The following LRMDA variants were observed in gnomAD, a reference collection of about 807,000 sequenced individuals.
The protein encoded by LRMDA is leucine-rich melanocyte differentiation-associated protein.
Under a neutral mutation model 29.8 loss-of-function variants are expected in LRMDA, and 18 were observed. The ratio of observed to expected loss-of-function variants is 0.60; its 90% confidence interval spans 0.42 to 0.90. The LOEUF (loss-of-function observed/expected upper bound fraction) is 0.90. Among genes scored for constraint, LRMDA ranks in the 40% least tolerant of loss-of-function variants. The pLI, the probability that LRMDA is intolerant of heterozygous loss-of-function variation, is 0.00. For synonymous variants in LRMDA, 125 were observed against 109.4 expected, an observed-to-expected ratio of 1.14 and a Z score of -0.89; for missense variants, 273 against 273.9, an observed-to-expected ratio of 1.00 and a Z score of 0.02.
At chr10:75,704,007 A>G (rs1247449673) in intron 2 of LRMDA, among the ~76,000 whole-genome samples, 1 of 152,220 alleles carries the variant, frequency 6.6e-6, no homozygotes, top group Non-Finnish European at 1.5e-5. Flanking sequence ...CGCTTGCTAT[A>G]TTGGGTAATA....
intron 6 of LRMDA, among the ~76,000 whole-genome samples, chr10:76,382,779 C>G (rs568511443): frequency 6.6e-6 from 1 of 152,278 alleles, no homozygotes; most frequent in African/African-American, 2.4e-5. Flanking sequence ...CCTCATTGCA[C>G]ATCTGGAAGG....
At chr10:75,938,862 A>G (rs907000006) in intron 2 of LRMDA, among the ~76,000 whole-genome samples, 18 of 152,190 alleles carry the variant, frequency 1.2e-4, no homozygotes, top group Admixed American at 9.2e-4. Context: ...ACAAAGTGAG[A>G]ATCCCAGCTA....
chr10:75,549,592 A>G (rs776676128), intron 2 of LRMDA, among the ~76,000 whole-genome samples: 4 of 152,172 alleles, frequency 2.6e-5, no homozygotes, highest in Non-Finnish European at 5.9e-5. Flanking sequence ...AGTAGTTGAG[A>G]CTACAGGTAC....
intron 2 of LRMDA, among the ~76,000 whole-genome samples, chr10:75,628,181 A>G (rs758984462): frequency 6.6e-6 from 1 of 151,948 alleles, no homozygotes; most frequent in Non-Finnish European, 1.5e-5. Flanking sequence ...TTTTCTGTGT[A>G]TTTCCCTACA....
chr10:76,486,731 T>G (rs1467802462), intron 6 of LRMDA, among the ~76,000 whole-genome samples: 2 of 151,884 alleles, frequency 1.3e-5, no homozygotes, highest in South Asian at 4.1e-4. Context: ...CCCCACTCTT[T>G]GGACAACAGA....
chr10:76,423,026 G>A (rs551913286), intron 6 of LRMDA, among the ~76,000 whole-genome samples: 1 of 152,292 alleles, frequency 6.6e-6, no homozygotes, highest in Non-Finnish European at 1.5e-5. Context: ...TCTAATAATG[G>A]TCAAGATGCA....
At chr10:75,704,555 C>A (rs1450298174) in intron 2 of LRMDA, among the ~76,000 whole-genome samples, 5 of 152,162 alleles carry the variant, frequency 3.3e-5, no homozygotes, top group Admixed American at 3.3e-4. Flanking sequence ...CTTTGTTGGC[C>A]GTGAGGTGAC....
At chr10:76,144,922 A>G (rs1288206939) in intron 5 of LRMDA, among the ~76,000 whole-genome samples, 1 of 152,198 alleles carries the variant, frequency 6.6e-6, no homozygotes, top group East Asian at 1.9e-4. Flanking sequence ...AATTTTGTCA[A>G]AGGCCTCTTC....
intron 3 of LRMDA, among the ~76,000 whole-genome samples, chr10:76,044,316 A>G (rs1848391497): frequency 6.6e-6 from 1 of 151,966 alleles, no homozygotes; most frequent in African/African-American, 2.4e-5. Context: ...GAATGACACC[A>G]TCCAGTCCTG....
chr10:75,799,901 C>A (rs1843719263), intron 2 of LRMDA, among the ~76,000 whole-genome samples: 1 of 152,070 alleles, frequency 6.6e-6, no homozygotes, highest in Non-Finnish European at 1.5e-5. Flanking sequence ...CCTTATTATT[C>A]TCACCCCGAT....
chr10:75,979,726 C>T (rs1001567272), intron 2 of LRMDA, among the ~76,000 whole-genome samples: 1 of 152,076 alleles, frequency 6.6e-6, no homozygotes, highest in Non-Finnish European at 1.5e-5. Context: ...CCCCTCCTCC[C>T]CATGTTTCTT....
chr10:76,316,345 A>G (rs1264726813), intron 5 of LRMDA, among the ~76,000 whole-genome samples: 1 of 152,022 alleles, frequency 6.6e-6, no homozygotes. Flanking sequence ...CTATACTGGC[A>G]CTTGGAGCTG....
chr10:76,315,205 C>T (rs1054862058), intron 5 of LRMDA, among the ~76,000 whole-genome samples: 4 of 152,228 alleles, frequency 2.6e-5, no homozygotes, highest in Admixed American at 1.3e-4. Flanking sequence ...GTGATGGCAG[C>T]GGCGGCCTGT....
chr10:76,279,562 T>TTTTTG (rs1840176792), intron 5 of LRMDA, among the ~76,000 whole-genome samples: 1 of 123,290 alleles, frequency 8.1e-6, no homozygotes, highest in African/African-American at 2.8e-5. Context: ...TTTTTTTTTT[T>TTTTTG]GAGATGGAGT....
At chr10:76,251,377 C>A (rs532800048) in intron 5 of LRMDA, among the ~76,000 whole-genome samples, 1 of 150,874 alleles carries the variant, frequency 6.6e-6, no homozygotes, top group African/African-American at 2.4e-5. Flanking sequence ...CTCAGCCTCC[C>A]GAGTAGCTGG....
intron 2 of LRMDA, among the ~76,000 whole-genome samples, chr10:75,884,050 A>C (rs1399172757): frequency 2.6e-5 from 4 of 152,024 alleles, no homozygotes; most frequent in Non-Finnish European, 4.4e-5. Flanking sequence ...TTCTTGGCTA[A>C]ATTGATGGTC....
At chr10:75,637,816 T>C (rs1027681975) in intron 2 of LRMDA, among the ~76,000 whole-genome samples, 15 of 152,208 alleles carry the variant, frequency 9.9e-5, no homozygotes, top group African/African-American at 3.6e-4. Flanking sequence ...TTGTTAACTA[T>C]GAGGGGTGAC....
At chr10:76,100,941 A>C (rs964316567) in intron 5 of LRMDA, among the ~76,000 whole-genome samples, 1 of 152,086 alleles carries the variant, frequency 6.6e-6, no homozygotes, top group African/African-American at 2.4e-5. Flanking sequence ...CTATTTTCTC[A>C]TGCTAGTACA....
At chr10:75,581,562 C>T (rs956548334) in intron 2 of LRMDA, among the ~76,000 whole-genome samples, 7 of 148,508 alleles carry the variant, frequency 4.7e-5, no homozygotes, top group Non-Finnish European at 8.8e-5. Flanking sequence ...AATCCCATTA[C>T]TGGGTATATA....
Sources: allele counts gnomAD v4.1 joint callset (sites outside exome capture counted in the v4.1 genomes callset), GRCh38; gene constraint gnomAD v4.1.1; transcripts MANE v1.5; gene names NCBI Gene and HGNC (gene_info 2026-07-23, HGNC 2026-07-21).